Variants in CNTNAP2 observed in about 807,000 individuals in gnomAD.
The protein encoded by CNTNAP2 is contactin associated protein 2.
CNTNAP2 carries 98 observed loss-of-function variants against 155.2 expected under a neutral mutation model. The ratio of observed to expected loss-of-function variants is 0.63; its 90% confidence interval spans 0.54 to 0.75. CNTNAP2 has a LOEUF of 0.75. Among genes scored for constraint, CNTNAP2 ranks in the 30% least tolerant of loss-of-function variants. CNTNAP2 has a pLI of 0.00. For synonymous variants in CNTNAP2, 651 were observed against 631.2 expected (o/e 1.03, Z -0.47); for missense variants, 1,727 against 1,688.1 (o/e 1.02, Z -0.40).
chr7:147,692,399 A>G (rs1796100480), intron 13 of CNTNAP2, among the ~76,000 whole-genome samples: 1 of 152,112 alleles, frequency 6.6e-6, no homozygotes, highest in Non-Finnish European at 1.5e-5. Flanking sequence ...TCCTATGGCA[A>G]GAGGAAGTAC....
intron 21 of CNTNAP2, among the ~76,000 whole-genome samples, chr7:148,320,167 G>A (rs1797764725): frequency 6.6e-6 from 1 of 152,094 alleles, no homozygotes; most frequent in Admixed American, 6.5e-5. Context: ...CCCTCCCAGG[G>A]CTGATGTACA....
intron 8 of CNTNAP2, among the ~76,000 whole-genome samples, chr7:147,261,724 A>G (rs1437626816): frequency 6.6e-6 from 1 of 152,228 alleles, no homozygotes. Context: ...ACAAATGGTT[A>G]GCAGAAGACA....
At chr7:146,393,482 C>T (rs1795575102) in intron 1 of CNTNAP2, among the ~76,000 whole-genome samples, 1 of 152,116 alleles carries the variant, frequency 6.6e-6, no homozygotes, top group Admixed American at 6.6e-5. Flanking sequence ...TAGGACCAAT[C>T]AGTGGGGATG....
At chr7:147,792,048 T>C (rs899175861) in intron 13 of CNTNAP2, among the ~76,000 whole-genome samples, 1 of 152,228 alleles carries the variant, frequency 6.6e-6, no homozygotes, top group African/African-American at 2.4e-5. Flanking sequence ...CTTTGCTTGG[T>C]CAGCTCTGCC....
chr7:147,422,142 T>C (rs112429896), intron 10 of CNTNAP2, among the ~76,000 whole-genome samples: 4,833 of 148,118 alleles, frequency 0.033, 106 homozygotes, highest in South Asian at 0.045. Flanking sequence ...AGTATATATA[T>C]ATAGTATGTA....
intron 13 of CNTNAP2, among the ~76,000 whole-genome samples, chr7:147,679,967 G>A (rs536525453): frequency 5.3e-5 from 8 of 150,618 alleles, no homozygotes; most frequent in African/African-American, 1.2e-4. Context: ...GAATATCTTC[G>A]TTTCTTTTTT....
intron 3 of CNTNAP2, among the ~76,000 whole-genome samples, chr7:146,931,175 C>A (rs1337740786): frequency 6.6e-6 from 1 of 151,962 alleles, no homozygotes; most frequent in East Asian, 1.9e-4. Flanking sequence ...AAATTGACCA[C>A]ATAGTTGGAA....
At chr7:146,548,195 T>C (rs928006045) in intron 1 of CNTNAP2, among the ~76,000 whole-genome samples, 1 of 151,940 alleles carries the variant, frequency 6.6e-6, no homozygotes, top group African/African-American at 2.4e-5. Flanking sequence ...TTCACTCCCA[T>C]TCATAAGTGA....
intron 13 of CNTNAP2, among the ~76,000 whole-genome samples, chr7:147,880,935 A>G (rs1471035800): frequency 1.3e-5 from 2 of 150,972 alleles, no homozygotes; most frequent in Non-Finnish European, 2.9e-5. Flanking sequence ...AGTGGGAGGA[A>G]TCCTAAGAGA....
intron 18 of CNTNAP2, among the ~76,000 whole-genome samples, chr7:148,215,808 A>T (rs1375332609): frequency 6.6e-6 from 1 of 152,182 alleles, no homozygotes; most frequent in Non-Finnish European, 1.5e-5. Context: ...CGGCTGCTAC[A>T]GACAAGGGCA....
At chr7:146,684,609 A>C (rs1055889124) in intron 1 of CNTNAP2, among the ~76,000 whole-genome samples, 4 of 122,908 alleles carry the variant, frequency 3.3e-5, no homozygotes, top group Non-Finnish European at 6.6e-5. Flanking sequence ...AATGTTCCCA[A>C]AACAGCTTCG....
intron 16 of CNTNAP2, among the ~76,000 whole-genome samples, chr7:148,120,582 T>C (rs1350280280): frequency 6.6e-6 from 1 of 152,294 alleles, no homozygotes; most frequent in Non-Finnish European, 1.5e-5. Flanking sequence ...TTTCTAATTA[T>C]GAAAAATCTT....
At chr7:147,937,949 C>T (rs1423506788) in intron 14 of CNTNAP2, among the ~76,000 whole-genome samples, 1 of 152,028 alleles carries the variant, frequency 6.6e-6, no homozygotes, top group African/African-American at 2.4e-5. Context: ...ATGCTAGGTG[C>T]CTTCTATCTT....
intron 18 of CNTNAP2, among the ~76,000 whole-genome samples, chr7:148,186,137 A>G (rs960074613): frequency 6.6e-6 from 1 of 152,244 alleles, no homozygotes; most frequent in Non-Finnish European, 1.5e-5. Flanking sequence ...AAAGTTCAGG[A>G]GGCCCCTTTT....
chr7:146,872,805 T>C (rs558189168), intron 3 of CNTNAP2, among the ~76,000 whole-genome samples: 2 of 152,344 alleles, frequency 1.3e-5, no homozygotes, highest in African/African-American at 4.8e-5. Context: ...TTCAGAATAT[T>C]GTATTTTATA....
At chr7:146,158,606 C>T (rs1208437011) in intron 1 of CNTNAP2, among the ~76,000 whole-genome samples, 1 of 152,102 alleles carries the variant, frequency 6.6e-6, no homozygotes, top group Non-Finnish European at 1.5e-5. Flanking sequence ...GTGCAAGCTT[C>T]AGTAGCCAAT....
At chr7:147,597,059 A>G (rs1217420994) in intron 12 of CNTNAP2, among the ~76,000 whole-genome samples, 1 of 152,250 alleles carries the variant, frequency 6.6e-6, no homozygotes, top group Non-Finnish European at 1.5e-5. Flanking sequence ...TGTTTAGCAT[A>G]TAATCAAGAA....
chr7:147,024,291 A>G (rs1440238442), intron 3 of CNTNAP2, among the ~76,000 whole-genome samples: 2 of 152,220 alleles, frequency 1.3e-5, no homozygotes, highest in Non-Finnish European at 2.9e-5. Context: ...TGGTGGTTAC[A>G]CGAATCTATG....
At chr7:146,612,965 TTC>T (rs1799163593) in intron 1 of CNTNAP2, among the ~76,000 whole-genome samples, 1 of 151,730 alleles carries the variant, frequency 6.6e-6, no homozygotes, top group Non-Finnish European at 1.5e-5. Flanking sequence ...ACTCTTTTGT[TTC>T]TGTGTTTAGT....
Sources: gnomAD v4.1 joint callset for allele counts (sites outside exome capture counted in the v4.1 genomes callset) on GRCh38, gnomAD v4.1.1 for gene constraint, MANE v1.5 for transcripts, NCBI Gene and HGNC (gene_info 2026-07-23, HGNC 2026-07-21) for gene names.